Variants in ERBB4 observed in about 807,000 individuals in gnomAD.
The protein encoded by ERBB4 is receptor tyrosine-protein kinase erbB-4.
Under a neutral mutation model 158.0 loss-of-function variants are expected in ERBB4, and 42 were observed. The observed-to-expected ratio is 0.27, with a 90% CI of 0.21 to 0.34. The LOEUF (loss-of-function observed/expected upper bound fraction) is 0.34. ERBB4 is among the 10% of genes least tolerant of loss of function. The pLI, the probability that ERBB4 is intolerant of heterozygous loss-of-function variation, is 1.00. For synonymous variants in ERBB4, 583 were observed against 558.7 expected, an observed-to-expected ratio of 1.04 and a Z score of -0.61; for missense variants, 1,333 against 1,624.1, an observed-to-expected ratio of 0.82 and a Z score of 3.08.
intron 1 of ERBB4, among the ~76,000 whole-genome samples, chr2:212,490,232 C>T (rs59677351): frequency 0.045 from 6,799 of 151,870 alleles, 516 homozygotes; most frequent in African/African-American, 0.15. Context: ...TATAGTTTGT[C>T]ATAACTGAAG....
intron 3 of ERBB4, among the ~76,000 whole-genome samples, chr2:211,861,012 ATATT>A (rs2078003836): frequency 9.4e-5 from 1 of 10,622 alleles, no homozygotes; most frequent in African/African-American, 8.5e-4. Context: ...ATATATTTAT[ATATT>A]TATATATATA....
At chr2:212,477,922 G>C (rs1689487623) in intron 1 of ERBB4, among the ~76,000 whole-genome samples, 1 of 152,096 alleles carries the variant, frequency 6.6e-6, no homozygotes, top group African/African-American at 2.4e-5. Flanking sequence ...AAAGAACAGG[G>C]AAGTGTTCAG....
chr2:212,185,428 G>A (rs1262853732), intron 1 of ERBB4, among the ~76,000 whole-genome samples: 1 of 151,772 alleles, frequency 6.6e-6, no homozygotes, highest in Non-Finnish European at 1.5e-5. Context: ...TTAACTATGG[G>A]TTTCAATTAT....
At chr2:212,406,143 G>T (rs1217818872) in intron 1 of ERBB4, among the ~76,000 whole-genome samples, 1 of 152,010 alleles carries the variant, frequency 6.6e-6, no homozygotes, top group Admixed American at 6.6e-5. Context: ...TATTCCCATA[G>T]TATGGCCAAT....
chr2:212,269,712 C>T (rs1482450018), intron 1 of ERBB4, among the ~76,000 whole-genome samples: 2 of 151,774 alleles, frequency 1.3e-5, no homozygotes, highest in Admixed American at 6.6e-5. Context: ...TTGTAATACT[C>T]AAGTCTAGTT....
intron 1 of ERBB4, among the ~76,000 whole-genome samples, chr2:212,192,042 A>ATATGTTATATAT (rs368168173): frequency 1.2e-4 from 6 of 48,824 alleles, no homozygotes; most frequent in African/African-American, 2.1e-4. Flanking sequence ...TATATGTTAT[A>ATATGTTATATAT]TATATGTTAT....
intron 1 of ERBB4, among the ~76,000 whole-genome samples, chr2:212,411,490 C>T (rs909692969): frequency 6.6e-5 from 10 of 152,146 alleles, no homozygotes; most frequent in African/African-American, 2.4e-4. Flanking sequence ...ACAAACACTG[C>T]TACCAGGAAG....
chr2:212,456,977 C>T (rs970753084), intron 1 of ERBB4, among the ~76,000 whole-genome samples: 3 of 151,904 alleles, frequency 2.0e-5, no homozygotes, highest in African/African-American at 7.2e-5. Context: ...AAAGTCTGCA[C>T]AGCTCATCTA....
intron 2 of ERBB4, among the ~76,000 whole-genome samples, chr2:211,958,367 T>G (rs927693768): frequency 2.6e-5 from 4 of 152,132 alleles, no homozygotes; most frequent in Admixed American, 6.6e-5. Context: ...TTAAATGTTT[T>G]TCTTATTTAA....
At chr2:211,764,267 A>C (rs546598047) in intron 4 of ERBB4, among the ~76,000 whole-genome samples, 2 of 152,348 alleles carry the variant, frequency 1.3e-5, no homozygotes, top group South Asian at 4.1e-4. Flanking sequence ...TTATAGAAAA[A>C]AGATAAATGA....
intron 4 of ERBB4, among the ~76,000 whole-genome samples, chr2:211,770,587 A>C (rs192289550): frequency 6.0e-4 from 92 of 152,322 alleles, no homozygotes; most frequent in African/African-American, 2.0e-3. Flanking sequence ...AATGTACTTA[A>C]AAATAAGTTT....
chr2:211,494,011 C>A (rs764926145), intron 20 of ERBB4, among the ~76,000 whole-genome samples: 2 of 152,092 alleles, frequency 1.3e-5, no homozygotes, highest in Non-Finnish European at 2.9e-5. Flanking sequence ...CAATTTTGGG[C>A]TACCCAGCCT....
chr2:211,700,193 T>C (rs2073182906), intron 12 of ERBB4, among the ~76,000 whole-genome samples: 1 of 152,186 alleles, frequency 6.6e-6, no homozygotes, highest in Non-Finnish European at 1.5e-5. Flanking sequence ...AGATTCTATC[T>C]TATTGCCATG....
intron 13 of ERBB4, 61 bp downstream of exon 13, chr2:211,678,991 A>AAAAT: frequency 8.2e-7 from 1 of 1,220,328 alleles, no homozygotes; most frequent in Non-Finnish European, 1.1e-6. Flanking sequence ...AAAAAAAAAA[A>AAAAT]TCAGAACTAA....
intron 2 of ERBB4, among the ~76,000 whole-genome samples, chr2:212,119,851 C>G (rs752150344): frequency 1.3e-5 from 2 of 152,068 alleles, no homozygotes; most frequent in Non-Finnish European, 2.9e-5. Flanking sequence ...ATGTATCTAA[C>G]AAAGATTAAG....
chr2:212,070,166 C>T (rs921697911), intron 2 of ERBB4, among the ~76,000 whole-genome samples: 3 of 151,820 alleles, frequency 2.0e-5, no homozygotes, highest in Admixed American at 2.0e-4. Flanking sequence ...AAGACTTCTG[C>T]ATTAAAAACT....
intron 1 of ERBB4, among the ~76,000 whole-genome samples, chr2:212,256,020 G>C (rs565783700): frequency 5.3e-5 from 8 of 150,848 alleles, no homozygotes; most frequent in African/African-American, 1.9e-4. Flanking sequence ...TTACAAATGG[G>C]GGGGGGTCTC....
chr2:211,404,442 A>G (rs1051361033), intron 25 of ERBB4, among the ~76,000 whole-genome samples: 4 of 152,030 alleles, frequency 2.6e-5, no homozygotes, highest in African/African-American at 9.7e-5. Context: ...CCTGCTCTCA[A>G]TATAATAGAG....
chr2:212,532,360 C>T (rs539072399), intron 1 of ERBB4, among the ~76,000 whole-genome samples: 1 of 152,222 alleles, frequency 6.6e-6, no homozygotes, highest in Admixed American at 6.5e-5. Flanking sequence ...CTCCTCCCTG[C>T]AGCTTAACTA....
Sources: allele counts gnomAD v4.1 joint callset (sites outside exome capture counted in the v4.1 genomes callset), GRCh38; gene constraint gnomAD v4.1.1; transcripts MANE v1.5; gene names NCBI Gene and HGNC (gene_info 2026-07-23, HGNC 2026-07-21).